Variants in GLG1 observed in about 807,000 individuals in gnomAD.
GLG1 encodes golgi glycoprotein 1.
Under a neutral mutation model 160.5 loss-of-function variants are expected in GLG1, and 38 were observed. The observed-to-expected ratio is 0.24, with a 90% confidence interval of 0.18 to 0.31. GLG1 has a LOEUF of 0.31. Ranked by LOEUF, GLG1 falls within the 10% of genes least tolerant of loss-of-function variation. The pLI is 1.00. For synonymous variants in GLG1, 644 were observed against 543.4 expected, an observed-to-expected ratio of 1.19 and a Z score of -2.57; for missense variants, 1,373 against 1,505.2, an observed-to-expected ratio of 0.91 and a Z score of 1.45.
rs545360973 is a variant in GLG1 at position 74,530,885 on chromosome 16, A to G, written c.471+1236T>C. On this transcript the variant is annotated intron_variant, in intron 2 of 25. Coordinates refer to ENST00000422840, the MANE Select transcript of GLG1 (RefSeq NM_001145667.2). ...ATGCTTTTGATTCTGAGGGAGAATA[A>G]ACTTTTTACTGTTTATTGGACACCT... 2.6e-5 allele frequency among the ~76,000 whole-genome samples: 4 copies of G among 152,268 alleles called. No homozygotes were observed. The East Asian group carries it at 7.7e-4, about 29-fold the overall frequency.
chr16:74,564,050 T>A (rs2018581279), intron 1 of GLG1, among the ~76,000 whole-genome samples: 1 of 152,150 alleles, frequency 6.6e-6, no homozygotes, highest in South Asian at 2.1e-4. Context: ...GCCTCCTGAG[T>A]AGTGGAACTA....
intron 2 of GLG1, among the ~76,000 whole-genome samples, chr16:74,513,851 C>T (rs776132483): frequency 3.9e-5 from 6 of 151,998 alleles, no homozygotes; most frequent in South Asian, 2.1e-4. Flanking sequence ...CTGAGCTTAA[C>T]GAGCATGTTC....
chr16:74,606,854 G>T lies in GLG1; in HGVS notation c.241C>A (p.Gln81Lys), dbSNP rs746542614. 10 of 1,598,390 alleles carry T rather than the reference G, an allele frequency of 6.3e-6. No homozygotes were observed. In the Admixed American group the frequency reaches 1.8e-4, roughly 28 times the overall value. Residue 81 changes from glutamine (Q) to lysine (K), a missense_variant, in exon 1 of 26, where the codon CAG (glutamine) becomes AAG (lysine). Physicochemically the swap from Gln to Lys is moderately conservative, Grantham distance 53. This residue lies in a region of GLG1 where 322 missense variants were observed against 254.6 expected (regional missense o/e 1.26). Transcript: ENST00000422840. ...TGCGGCGGCTGAGGCTGCTGTTGCT[G>T]TTGCTGCTGCTGCTGTTGCTGCTGA... is the stretch of plus-strand genomic sequence containing the variant. ...QLQQQQQQQQ[Q>K]QQQPQPPQPP...
At chr16:74,579,186 A>T (rs1957879509) in intron 1 of GLG1, among the ~76,000 whole-genome samples, 1 of 152,164 alleles carries the variant, frequency 6.6e-6, no homozygotes, top group Non-Finnish European at 1.5e-5. Flanking sequence ...GTCTCTTAAA[A>T]ATACAAACAA....
At chr16:74,482,923 A>G in intron 10 of GLG1, 100 bp downstream of exon 10, 1 of 748,648 alleles carries the variant, frequency 1.3e-6, no homozygotes, top group Non-Finnish European at 2.4e-6. Flanking sequence ...AACTGAACAA[A>G]AAGAGTTTCC....
intron 1 of GLG1, among the ~76,000 whole-genome samples, chr16:74,561,430 A>G (rs1460848048): frequency 1.3e-5 from 2 of 152,210 alleles, no homozygotes; most frequent in Non-Finnish European, 2.9e-5. Context: ...AATGGAAAGG[A>G]CCCTAATAAG....
intron 2 of GLG1, among the ~76,000 whole-genome samples, chr16:74,524,568 A>T (rs1172423600): frequency 6.6e-6 from 1 of 151,600 alleles, no homozygotes; most frequent in Non-Finnish European, 1.5e-5. Flanking sequence ...TATCCTTTAG[A>T]GTATTTACTG....
At chr16:74,507,501 T>C (rs181725781) in intron 3 of GLG1, among the ~76,000 whole-genome samples, 1 of 151,706 alleles carries the variant, frequency 6.6e-6, no homozygotes, top group East Asian at 1.9e-4. Flanking sequence ...CTTTGGGAGG[T>C]TGAGGTGGGT....
At chr16:74,524,488 G>A (rs949406872) in intron 2 of GLG1, among the ~76,000 whole-genome samples, 3 of 151,266 alleles carry the variant, frequency 2.0e-5, no homozygotes, top group Admixed American at 2.0e-4. Context: ...GATATTTGAT[G>A]ATGTTAAAGA....
At chr16:74,605,660 G>C (rs941006132) in intron 1 of GLG1, among the ~76,000 whole-genome samples, 2 of 151,998 alleles carry the variant, frequency 1.3e-5, no homozygotes, top group African/African-American at 2.4e-5. Context: ...CGAGATGAAG[G>C]GGGGAAATGC....
At chr16:74,469,128 C>A in intron 16 of GLG1, 65 bp from the exon 17 acceptor site, 1 of 1,013,578 alleles carries the variant, frequency 9.9e-7, no homozygotes, top group Non-Finnish European at 1.6e-6. Flanking sequence ...GAGAGCTGGG[C>A]TTGGGGGGGG....
intron 11 of GLG1, among the ~76,000 whole-genome samples, chr16:74,479,743 G>A (rs781332612): frequency 1.1e-4 from 16 of 152,260 alleles, no homozygotes; most frequent in Admixed American, 5.9e-4. Context: ...CGATGCTGCC[G>A]AGACCCCAGC....
chr16:74,479,051 CAAAAAAAAAAAAAA>C (rs34125450), intron 11 of GLG1, among the ~76,000 whole-genome samples: 6 of 17,572 alleles, frequency 3.4e-4, no homozygotes, highest in Non-Finnish European at 4.4e-4. Flanking sequence ...ATTAAAAATC[CAAAAAAAAAAAAAA>C]AAAAAAAAAA....
intron 1 of GLG1, among the ~76,000 whole-genome samples, chr16:74,597,309 T>C (rs182346427): frequency 6.0e-5 from 9 of 148,970 alleles, no homozygotes; most frequent in Admixed American, 4.7e-4. Flanking sequence ...GGTGCGCCTA[T>C]AGTCCCAGCT....
At chr16:74,507,308 T>C (rs937169539) in intron 3 of GLG1, among the ~76,000 whole-genome samples, 1 of 152,208 alleles carries the variant, frequency 6.6e-6, no homozygotes. Flanking sequence ...GAAATTATTC[T>C]AGTGAATATG....
chr16:74,502,585 C>T (rs1166960582), intron 4 of GLG1, among the ~76,000 whole-genome samples: 2 of 151,680 alleles, frequency 1.3e-5, no homozygotes, highest in Admixed American at 6.6e-5. Flanking sequence ...ACTCTGTCTC[C>T]CAGGCTGGAG....
rs1401359645 is a variant in GLG1 at position 74,498,480 on chromosome 16, A to AT, written c.775-1837dup. Among the ~76,000 whole-genome samples, 250 of 116,344 alleles carry AT rather than the reference A, an allele frequency of 2.1e-3. 5 individuals carry two copies. The highest frequency in any genetic ancestry group is 7.4e-3 in the African/African-American group (235 of 31,576). The allele number at this position is 116,344 out of a possible 152,430, so 76.3% of individuals were successfully genotyped here. On this transcript the variant is annotated intron_variant, in intron 4 of 25. Transcript: ENST00000422840. Reference sequence around the variant, plus strand: ...TATATATATATATTATATTTTATATATATATTTTATATATAGTGCTATCAT... The same window carrying AT: ...TATATATATATATTATATTTTATATATTATATTTTATATATAGTGCTATCAT...
chr16:74,468,547 A>G (rs1209369082), intron 17 of GLG1: 1 of 179,972 alleles, frequency 5.6e-6, no homozygotes, highest in African/African-American at 2.3e-5. Context: ...AGTCTCTTTT[A>G]GTACAGGCAG....
intron 19 of GLG1, among the ~76,000 whole-genome samples, chr16:74,463,693 A>C (rs2014888817): frequency 6.6e-6 from 1 of 151,582 alleles, no homozygotes; most frequent in Admixed American, 6.6e-5. Flanking sequence ...CGGGGATTAC[A>C]GGCGTGCGTC....
Sources: allele counts gnomAD v4.1 joint callset (sites outside exome capture counted in the v4.1 genomes callset), GRCh38; gene constraint gnomAD v4.1.1; regional missense constraint gnomAD v4.1.1; transcripts MANE v1.5; gene names NCBI Gene and HGNC (gene_info 2026-07-23, HGNC 2026-07-21).